Variants in TIAM1 observed in about 807,000 individuals in gnomAD.
TIAM1 encodes rho guanine nucleotide exchange factor TIAM1.
Under a neutral mutation model 163.5 loss-of-function variants are expected in TIAM1, and 65 were observed. That is an observed-to-expected ratio of 0.40 (90% CI 0.33 to 0.49). TIAM1 has a LOEUF of 0.49. Ranked by LOEUF, TIAM1 falls within the 20% of genes least tolerant of loss-of-function variation. TIAM1 has a pLI of 0.77. For synonymous variants in TIAM1, 833 were observed against 810.1 expected, an observed-to-expected ratio of 1.03 and a Z score of -0.48; for missense variants, 1,789 against 2,044.7, an observed-to-expected ratio of 0.87 and a Z score of 2.41.
chr21:31,466,115 A>T (rs1250509287), intron 1 of TIAM1, among the ~76,000 whole-genome samples: 1 of 152,182 alleles, frequency 6.6e-6, no homozygotes, highest in Non-Finnish European at 1.5e-5. Flanking sequence ...TTATTCTGAC[A>T]TTTTTTACAA....
At chr21:31,407,711 C>G (rs2077271290) in intron 2 of TIAM1, among the ~76,000 whole-genome samples, 1 of 138,198 alleles carries the variant, frequency 7.2e-6, no homozygotes, top group African/African-American at 2.7e-5. Context: ...TCTTGGCTTG[C>G]TGCAACCTCC....
chr21:31,240,770 G>A (rs552000927), intron 6 of TIAM1, among the ~76,000 whole-genome samples: 13 of 152,030 alleles, frequency 8.6e-5, no homozygotes, highest in Non-Finnish European at 1.6e-4. Flanking sequence ...ATAAGAAGTT[G>A]ACCAAGAAAC....
chr21:31,401,405 A>G (rs2077162372), intron 2 of TIAM1, among the ~76,000 whole-genome samples: 3 of 152,174 alleles, frequency 2.0e-5, no homozygotes, highest in Admixed American at 1.3e-4. Flanking sequence ...CTAGGCAAGA[A>G]AAAATGGGCC....
Position 31,120,086 on chromosome 21 carries a change from T to C in TIAM1, c.*282A>G, listed in dbSNP as rs1209772793. 1 of 332,646 alleles carries C rather than the reference T, an allele frequency of 3.0e-6. No individual in the cohort carries two copies. Among genetic ancestry groups the C allele is most frequent in the Non-Finnish European group, 5.4e-6 (1 of 183,818 alleles). 20.6% of individuals were successfully genotyped at this position (332,646 alleles called of 1,614,324 possible). A position where few individuals can be genotyped will look rare whatever the true frequency, so the allele number is the denominator to read the frequency against. On this transcript the variant is annotated 3_prime_UTR_variant, in exon 28 of 28. Transcript: ENST00000541036. This position sits in a 1 kb window ranked among gnomAD's most constrained non-coding sequence, Gnocchi z 4.2. ...CTTTCCAGTGCTATAGAATCTTTTT[T>C]CTTTTAATTGTTCAGGCCCTGATTT... is the stretch of plus-strand genomic sequence containing the variant.
chr21:31,196,376 A>G (rs1424582563), intron 12 of TIAM1, among the ~76,000 whole-genome samples: 1 of 149,544 alleles, frequency 6.7e-6, no homozygotes, highest in African/African-American at 2.5e-5. Context: ...CAGTGGCGCG[A>G]TCTCGGCTCA....
At chr21:31,292,400 T>G (rs565304030) in intron 2 of TIAM1, among the ~76,000 whole-genome samples, 1 of 151,318 alleles carries the variant, frequency 6.6e-6, no homozygotes, top group South Asian at 2.1e-4. Flanking sequence ...GACAGAGTCT[T>G]GCTCTGTGGC....
intron 4 of TIAM1, among the ~76,000 whole-genome samples, chr21:31,259,345 CG>C (rs1317738396): frequency 6.6e-6 from 1 of 151,878 alleles, no homozygotes; most frequent in East Asian, 1.9e-4. Flanking sequence ...CTATGTTGGC[CG>C]GGCTGGTCTT....
At position 31,396,527 on chromosome 21, in the gene TIAM1, C is replaced by A. The variant is rs190741159; in HGVS notation, c.-368-57105G>T. Among the ~76,000 whole-genome samples, 36 of 150,378 alleles carry A rather than the reference C, an allele frequency of 2.4e-4. No individual in the cohort carries two copies. The East Asian group carries it at 5.4e-3, about 23-fold the overall frequency. ...AACACTGTCTGGCTCTGAGTTGGTC[C>A]TCAATAAATATAAAAAATAATAATA... On this transcript the variant is annotated intron_variant, in intron 2 of 28. Transcript: ENST00000286827.
At chr21:31,475,025 T>TTATTATTATTA (rs1555995982) in intron 1 of TIAM1, among the ~76,000 whole-genome samples, 52 of 118,684 alleles carry the variant, frequency 4.4e-4, no homozygotes, top group Admixed American at 2.1e-3. Context: ...GAGCTAGTTT[T>TTATTATTATTA]TTATTATTAT....
At chr21:31,402,672 G>A (rs1425992951) in intron 2 of TIAM1, among the ~76,000 whole-genome samples, 7 of 152,102 alleles carry the variant, frequency 4.6e-5, no homozygotes, top group East Asian at 3.9e-4. Flanking sequence ...AAGGCCGGGC[G>A]TGGTGGCTCA....
chr21:31,210,737 AGG>A lies in TIAM1; in HGVS notation c.2218-524_2218-523del, dbSNP rs1307586822. Among the ~76,000 whole-genome samples, 11 of 113,194 alleles carry A rather than the reference AGG, an allele frequency of 9.7e-5. 1 individual carries two copies. Among genetic ancestry groups the A allele is most frequent in the South Asian group, 8.1e-4 (3 of 3,720 alleles). 74.3% of individuals were successfully genotyped at this position (113,194 alleles called of 152,430 possible). A position where few individuals can be genotyped will look rare whatever the true frequency, so the allele number is the denominator to read the frequency against. ...AAAGAGAAAGAAAGAAAGAGAAAGA[AGG>A]AAGGAAGGGAGAAAGAAAGAAAGAA... On this transcript the variant is annotated intron_variant, in intron 10 of 27. Coordinates refer to ENST00000541036, the MANE Select transcript of TIAM1 (RefSeq NM_001353694.2).
intron 4 of TIAM1, among the ~76,000 whole-genome samples, chr21:31,260,866 A>T (rs1013251667): frequency 6.6e-6 from 1 of 152,186 alleles, no homozygotes; most frequent in African/African-American, 2.4e-5. Context: ...CCTTGAAATG[A>T]TATGCAGAAG....
At chr21:31,392,524 C>A (rs1415625787) in intron 2 of TIAM1, among the ~76,000 whole-genome samples, 1 of 145,342 alleles carries the variant, frequency 6.9e-6, no homozygotes, top group Non-Finnish European at 1.5e-5. Flanking sequence ...GAGCTGAGAT[C>A]GCGCCATCGC....
intron 2 of TIAM1, among the ~76,000 whole-genome samples, chr21:31,336,255 C>T (rs193164744): frequency 6.6e-6 from 1 of 152,306 alleles, no homozygotes; most frequent in African/African-American, 2.4e-5. Context: ...CATGTTTCAC[C>T]TACCATTTGC....
chr21:31,275,932 A>G (rs1020764430), intron 3 of TIAM1, among the ~76,000 whole-genome samples: 1 of 152,230 alleles, frequency 6.6e-6, no homozygotes, highest in African/African-American at 2.4e-5. Flanking sequence ...AGGTATTTAA[A>G]AACTTATTAA....
intron 14 of TIAM1, among the ~76,000 whole-genome samples, chr21:31,183,265 CA>C (rs1285169069): frequency 2.0e-5 from 3 of 152,200 alleles, no homozygotes; most frequent in East Asian, 3.9e-4. Context: ...GGTAGATCCC[CA>C]AAGGATCTGC....
At chr21:31,335,720 A>C (rs2075817849) in intron 2 of TIAM1, among the ~76,000 whole-genome samples, 1 of 151,888 alleles carries the variant, frequency 6.6e-6, no homozygotes, top group African/African-American at 2.4e-5. Flanking sequence ...AAAAAGAAAA[A>C]AGAAAGAAAC....
intron 2 of TIAM1, among the ~76,000 whole-genome samples, chr21:31,328,434 A>G (rs1019940859): frequency 3.9e-5 from 6 of 152,162 alleles, no homozygotes; most frequent in African/African-American, 1.4e-4. Context: ...GCAGCAGCAC[A>G]ATCACGGCTC....
intron 1 of TIAM1, among the ~76,000 whole-genome samples, chr21:31,488,742 A>G (rs1453243935): frequency 6.6e-6 from 1 of 152,094 alleles, no homozygotes; most frequent in Admixed American, 6.5e-5. Context: ...AATTATCTCC[A>G]CCTGGCCCCA....
Sources: allele counts gnomAD v4.1 joint callset (sites outside exome capture counted in the v4.1 genomes callset), GRCh38; gene constraint gnomAD v4.1.1; non-coding constraint Gnocchi (gnomAD v3.1); transcripts MANE v1.5; gene names NCBI Gene and HGNC (gene_info 2026-07-23, HGNC 2026-07-21).